The following MYT1L variants were observed in gnomAD, a reference collection of about 807,000 sequenced individuals.
The protein encoded by MYT1L is myelin transcription factor 1 like, also known as myelin transcription factor 1-like protein.
Under a neutral mutation model 126.7 loss-of-function variants are expected in MYT1L, and 12 were observed. That is an observed-to-expected ratio of 0.09 (90% confidence interval 0.06 to 0.15). The LOEUF (loss-of-function observed/expected upper bound fraction) is 0.15, where lower values mean the gene tolerates loss of function less well. Among genes scored for constraint, MYT1L ranks in the 10% least tolerant of loss-of-function variants. MYT1L has a pLI of 1.00. For synonymous variants in MYT1L, 541 were observed against 604.2 expected, an observed-to-expected ratio of 0.90 and a Z score of 1.53; for missense variants, 979 against 1,585.2, an observed-to-expected ratio of 0.62 and a Z score of 6.49.
chr2:2,080,947 C>T (rs930124594), intron 3 of MYT1L, among the ~76,000 whole-genome samples: 13 of 152,032 alleles, frequency 8.6e-5, no homozygotes, highest in Admixed American at 4.6e-4. Flanking sequence ...TGTAAAATGT[C>T]CAGAATAGGC....
chr2:2,270,444 C>G (rs1014108577), intron 2 of MYT1L, among the ~76,000 whole-genome samples: 1 of 152,092 alleles, frequency 6.6e-6, no homozygotes, highest in African/African-American at 2.4e-5. Flanking sequence ...ATCTGTGAGT[C>G]TCTACCATGT....
chr2:2,141,599 C>T (rs188377066), intron 3 of MYT1L, among the ~76,000 whole-genome samples: 68 of 152,282 alleles, frequency 4.5e-4, no homozygotes, highest in Admixed American at 6.5e-4. Context: ...TTAAACCTCT[C>T]GTATCAGGAG....
chr2:2,185,505 C>A (rs1458112735), intron 2 of MYT1L, among the ~76,000 whole-genome samples: 1 of 119,490 alleles, frequency 8.4e-6, no homozygotes, highest in East Asian at 2.5e-4. Flanking sequence ...CCTTCCGGGC[C>A]TTCCCGAGTC....
intron 3 of MYT1L, among the ~76,000 whole-genome samples, chr2:2,078,169 TGA>T (rs1030816360): frequency 3.3e-5 from 5 of 152,016 alleles, no homozygotes; most frequent in African/African-American, 9.6e-5. Context: ...GGGAAATTAA[TGA>T]GAGAGAAAAA....
Position 2,054,574 on chromosome 2 carries a change from CGGAGATGAGACACAT to C in MYT1L, c.-303-466_-303-452del, listed in dbSNP as rs553202503. 8.3e-4 allele frequency among the ~76,000 whole-genome samples: 125 copies of C among 150,574 alleles called. 1 individual carries two copies. Among genetic ancestry groups the C allele is most frequent in the Non-Finnish European group, 1.5e-3 (101 of 67,688 alleles). On this transcript the variant is annotated intron_variant, in intron 3 of 24. Transcript: ENST00000647738. ...ATGAGACAGATGCAGATGAAACACA[CGGAGATGAGACACAT>C]GGAGATGAGACACAAGAGATGATAA...
chr2:2,327,738 C>G (rs1034371906), intron 1 of MYT1L, among the ~76,000 whole-genome samples: 1 of 152,078 alleles, frequency 6.6e-6, no homozygotes, highest in African/African-American at 2.4e-5. Flanking sequence ...AAAGGGACAC[C>G]CAGCCAAACC....
At chr2:2,159,175 CG>C (rs1275769420) in intron 3 of MYT1L, among the ~76,000 whole-genome samples, 1 of 152,020 alleles carries the variant, frequency 6.6e-6, no homozygotes, top group Non-Finnish European at 1.5e-5. Context: ...AGGGGGCTGT[CG>C]GGGTGACGGT....
chr2:2,067,105 A>G (rs946899062), intron 3 of MYT1L, among the ~76,000 whole-genome samples: 1 of 152,222 alleles, frequency 6.6e-6, no homozygotes, highest in African/African-American at 2.4e-5. Context: ...ACGAAGAAGT[A>G]AAGGGTCAGG....
chr2:2,119,525 A>T (rs574094599), intron 3 of MYT1L, among the ~76,000 whole-genome samples: 2 of 152,368 alleles, frequency 1.3e-5, no homozygotes, highest in South Asian at 4.1e-4. Flanking sequence ...TTTCAGAATT[A>T]AATGATCATA....
At chr2:2,167,834 T>G (rs2089405233) in intron 3 of MYT1L, among the ~76,000 whole-genome samples, 1 of 152,214 alleles carries the variant, frequency 6.6e-6, no homozygotes, top group Non-Finnish European at 1.5e-5. Context: ...ACTCTCACCC[T>G]TATTAAATGG....
chr2:1,888,158 A>G (rs11885419), intron 16 of MYT1L, among the ~76,000 whole-genome samples: 30,397 of 152,214 alleles, frequency 0.2, 3,885 homozygotes, highest in African/African-American at 0.37. Flanking sequence ...TACAGGTGGC[A>G]ATGCTCAGCA....
At position 1,943,954 on chromosome 2, in the gene MYT1L, T is replaced by C. The variant is rs116840224; in HGVS notation, c.153-620A>G. 0.014 allele frequency among the ~76,000 whole-genome samples: 2,091 copies of C among 152,282 alleles called. 53 individuals are homozygous for C. The highest frequency in any genetic ancestry group is 0.047 in the African/African-American group (1,968 of 41,550). On this transcript the variant is annotated intron_variant, in intron 8 of 24. Coordinates refer to ENST00000647738, the MANE Select transcript of MYT1L (RefSeq NM_001303052.2). The surrounding 1 kb of genome is among the most constrained non-coding windows in gnomAD (Gnocchi z 4.4). ...TCTGCAGAACTTCCTCAGTCTTAGA[T>C]GTTATTAGTCCCACGCCAGCATTCC...
chr2:1,952,469 G>A (rs1272177405), intron 8 of MYT1L, among the ~76,000 whole-genome samples: 1 of 152,022 alleles, frequency 6.6e-6, no homozygotes, highest in Non-Finnish European at 1.5e-5. Flanking sequence ...CAAATGGGAG[G>A]CTCGCATGCA....
chr2:1,889,233 G>C lies in MYT1L; in HGVS notation c.2520+8C>G, dbSNP rs901974803. 6.2e-6 allele frequency: 10 copies of C among 1,609,478 alleles called. No individual in the cohort carries two copies. The highest frequency in any genetic ancestry group is 2.7e-5 in the African/African-American group (2 of 74,820). ...GCAGTCAACACAGGCTCAATGAAAA[G>C]GACATACAGTAATGTCTTTGGACTC... On this transcript the variant is annotated splice_region_variant and intron_variant, in intron 16 of 24. Transcript: ENST00000647738. This position sits in a 1 kb window ranked among gnomAD's most constrained non-coding sequence, Gnocchi z 4.1.
chr2:1,930,045 G>A (rs1244775326), intron 9 of MYT1L, among the ~76,000 whole-genome samples: 1 of 152,206 alleles, frequency 6.6e-6, no homozygotes, highest in Non-Finnish European at 1.5e-5. Context: ...TGTCCTGCAT[G>A]CTCCCTCAGC....
chr2:1,879,513 T>G (rs2047292504), intron 18 of MYT1L, among the ~76,000 whole-genome samples: 1 of 152,118 alleles, frequency 6.6e-6, no homozygotes, highest in Admixed American at 6.6e-5. Context: ...AGGCCAAATT[T>G]AATTAGGTGT....
intron 8 of MYT1L, among the ~76,000 whole-genome samples, chr2:1,950,641 A>G (rs2057663959): frequency 1.3e-5 from 2 of 152,158 alleles, no homozygotes; most frequent in Non-Finnish European, 2.9e-5. Context: ...AGACACAGAG[A>G]GATGCAGAGA....
chr2:1,995,915 C>T lies in MYT1L; in HGVS notation c.-1+1276G>A, dbSNP rs2061798128. Among the ~76,000 whole-genome samples, 3 of 152,164 alleles carry T rather than the reference C, an allele frequency of 2.0e-5. No homozygotes were observed. In the South Asian group the frequency reaches 6.2e-4, roughly 32 times the overall value. The stretch of plus-strand genomic sequence containing the variant: ...TACAAGAGAGAGGAAGGAAGCTGCC[C>T]TCTGTTTCTTAGAATCCAAGATGGG... On this transcript the variant is annotated intron_variant, in intron 5 of 24. Coordinates refer to ENST00000647738, the MANE Select transcript of MYT1L (RefSeq NM_001303052.2).
At chr2:2,251,503 T>C (rs1286220972) in intron 2 of MYT1L, among the ~76,000 whole-genome samples, 1 of 152,038 alleles carries the variant, frequency 6.6e-6, no homozygotes, top group East Asian at 1.9e-4. Context: ...CCTGCCCCAC[T>C]CCAGCTGACT....
Sources: allele counts gnomAD v4.1 joint callset (sites outside exome capture counted in the v4.1 genomes callset), GRCh38; gene constraint gnomAD v4.1.1; non-coding constraint Gnocchi (gnomAD v3.1); transcripts MANE v1.5; gene names NCBI Gene and HGNC (gene_info 2026-07-23, HGNC 2026-07-21).